SLC39A12: variants seen among roughly 807,000 people sequenced by gnomAD.
SLC39A12 encodes zinc transporter ZIP12.
A neutral mutation model predicts 71.1 loss-of-function variants in SLC39A12; 63 were observed. That is an observed-to-expected ratio of 0.89 (90% CI 0.72 to 1.09). The LOEUF is 1.09. Among genes scored for constraint, SLC39A12 ranks in the 50% least tolerant of loss-of-function variants. The probability of loss-of-function intolerance (pLI) is 0.00; values close to 1 mark genes in which losing one functional copy is unlikely to be tolerated. For synonymous variants in SLC39A12, 351 were observed against 301.3 expected (o/e 1.16, Z -1.71); for missense variants, 892 against 812.6 (o/e 1.10, Z -1.19).
chr10:17,956,942 C>T (rs1162611716), intron 2 of SLC39A12, among the ~76,000 whole-genome samples: 1 of 152,160 alleles, frequency 6.6e-6, no homozygotes, highest in Non-Finnish European at 1.5e-5. Context: ...CCTTCCAGCT[C>T]TTTGTCAGGA....
chr10:17,954,930 A>C (rs1055023766), intron 2 of SLC39A12, among the ~76,000 whole-genome samples: 1 of 152,138 alleles, frequency 6.6e-6, no homozygotes, highest in African/African-American at 2.4e-5. Flanking sequence ...AGCAATAAAT[A>C]ATTCAATAAT....
At chr10:17,956,986 A>C (rs1386368856) in intron 2 of SLC39A12, among the ~76,000 whole-genome samples, 3 of 152,116 alleles carry the variant, frequency 2.0e-5, no homozygotes, top group African/African-American at 7.2e-5. Context: ...TTATATTTAC[A>C]ATCAATTGTT....
At chr10:18,042,148 G>C (rs1263215917) in intron 12 of SLC39A12, among the ~76,000 whole-genome samples, 1 of 151,970 alleles carries the variant, frequency 6.6e-6, no homozygotes, top group African/African-American at 2.4e-5. Flanking sequence ...GTAAGAGTTG[G>C]GTTTGTTTTT....
chr10:17,978,852 A>G (rs1325328804), intron 5 of SLC39A12, among the ~76,000 whole-genome samples: 3 of 152,126 alleles, frequency 2.0e-5, no homozygotes, highest in East Asian at 3.9e-4. Context: ...TAGGTTGATC[A>G]TTTTCCAAGG....
At chr10:17,964,422 A>G (rs16916691) in intron 3 of SLC39A12, among the ~76,000 whole-genome samples, 4,756 of 152,268 alleles carry the variant, frequency 0.031, 209 homozygotes, top group African/African-American at 0.087. Context: ...AAGCCATTAG[A>G]ATGCAACCTT....
chr10:17,982,608 A>G (rs1288187191), intron 6 of SLC39A12, among the ~76,000 whole-genome samples: 2 of 152,186 alleles, frequency 1.3e-5, no homozygotes, highest in South Asian at 2.1e-4. Context: ...TACATTCACT[A>G]AGAGAAAAAG....
intron 12 of SLC39A12, among the ~76,000 whole-genome samples, chr10:18,033,350 G>A (rs1297955439): frequency 6.7e-5 from 10 of 150,170 alleles, no homozygotes; most frequent in Non-Finnish European, 1.5e-4. Context: ...TCTATTCAGA[G>A]ATTCAACTTC....
At chr10:18,036,043 C>G (rs1325449879) in intron 12 of SLC39A12, among the ~76,000 whole-genome samples, 2 of 152,194 alleles carry the variant, frequency 1.3e-5, no homozygotes, top group Non-Finnish European at 2.9e-5. Flanking sequence ...AACCACTGCT[C>G]TCTTCAAAGC....
intron 12 of SLC39A12, chr10:18,005,665 G>A (rs1193846719): frequency 6.6e-6 from 1 of 152,208 alleles, no homozygotes; most frequent in Non-Finnish European, 1.5e-5. Flanking sequence ...CATTTGTCAT[G>A]CAGAACCCTA....
At chr10:17,978,430 T>C (rs1835170692) in intron 5 of SLC39A12, among the ~76,000 whole-genome samples, 1 of 152,194 alleles carries the variant, frequency 6.6e-6, no homozygotes, top group South Asian at 2.1e-4. Flanking sequence ...ATTTTTGCTA[T>C]TATGTATCTT....
intron 12 of SLC39A12, among the ~76,000 whole-genome samples, chr10:18,013,996 TA>T (rs1285316422): frequency 6.6e-6 from 1 of 152,130 alleles, no homozygotes; most frequent in Non-Finnish European, 1.5e-5. Flanking sequence ...TTCTATTTTT[TA>T]AAAAAAGTGA....
chr10:17,984,514 A>G (rs1835352433), intron 6 of SLC39A12, among the ~76,000 whole-genome samples: 1 of 152,240 alleles, frequency 6.6e-6, no homozygotes, highest in Non-Finnish European at 1.5e-5. Flanking sequence ...CCAGGTGCTC[A>G]TGTTACTATT....
intron 9 of SLC39A12, among the ~76,000 whole-genome samples, 181 bp downstream of exon 9, chr10:17,993,472 G>A (rs1283321088): frequency 2.0e-5 from 3 of 152,192 alleles, no homozygotes; most frequent in Non-Finnish European, 4.4e-5. Flanking sequence ...GTTCTAAAGA[G>A]CAACAGGCAC....
chr10:17,985,163 T>C (rs993828185), intron 6 of SLC39A12, among the ~76,000 whole-genome samples: 15 of 152,048 alleles, frequency 9.9e-5, no homozygotes, highest in African/African-American at 3.6e-4. Flanking sequence ...GCCAACATGA[T>C]GGAACCCCGT....
intron 12 of SLC39A12, 89 bp downstream of exon 12, chr10:18,003,447 A>G (rs530178528): frequency 2.1e-5 from 24 of 1,169,616 alleles, no homozygotes; most frequent in Non-Finnish European, 2.8e-5. Context: ...AGGATAAATG[A>G]GTAGAACAGA....
chr10:18,000,497 A>G (rs1036947785), intron 10 of SLC39A12, among the ~76,000 whole-genome samples, 170 bp from the exon 11 acceptor site: 9 of 152,240 alleles, frequency 5.9e-5, no homozygotes, highest in Non-Finnish European at 1.0e-4. Flanking sequence ...TGTGTTGGTT[A>G]TCACACTTGA....
chr10:18,040,904 C>T (rs1837207400), intron 12 of SLC39A12, among the ~76,000 whole-genome samples: 2 of 151,850 alleles, frequency 1.3e-5, no homozygotes, highest in Admixed American at 6.6e-5. Context: ...GAAAATTTGA[C>T]TGTGTCTGGA....
chr10:17,988,128 T>G (rs1232118713), intron 7 of SLC39A12, among the ~76,000 whole-genome samples: 1 of 152,182 alleles, frequency 6.6e-6, no homozygotes, highest in Non-Finnish European at 1.5e-5. Flanking sequence ...GACAGCATGG[T>G]GAAACCCCAT....
intron 12 of SLC39A12, among the ~76,000 whole-genome samples, chr10:18,006,092 G>C (rs186883654): frequency 6.6e-6 from 1 of 152,178 alleles, no homozygotes; most frequent in African/African-American, 2.4e-5. Context: ...AGGGGTAAAG[G>C]GGAACACTAG....
Sources: gnomAD v4.1 joint callset for allele counts (sites outside exome capture counted in the v4.1 genomes callset) on GRCh38, gnomAD v4.1.1 for gene constraint, MANE v1.5 for transcripts, NCBI Gene and HGNC (gene_info 2026-07-23, HGNC 2026-07-21) for gene names.